The following SPATA7 variants were observed in gnomAD, a reference collection of about 807,000 sequenced individuals.
SPATA7 encodes the protein spermatogenesis associated 7.
SPATA7 carries 43 observed loss-of-function variants against 51.8 expected under a neutral mutation model. The ratio of observed to expected loss-of-function variants is 0.83; its 90% confidence interval spans 0.65 to 1.07. SPATA7 has a LOEUF of 1.07. Among genes scored for constraint, SPATA7 ranks in the 50% least tolerant of loss-of-function variants. The pLI, the probability that SPATA7 is intolerant of heterozygous loss-of-function variation, is 0.00. For missense variants in SPATA7, 683 were observed against 701.3 expected, an observed-to-expected ratio of 0.97 and a Z score of 0.30; for synonymous variants, 230 against 252.8, an observed-to-expected ratio of 0.91 and a Z score of 0.86.
intron 5 of SPATA7, among the ~76,000 whole-genome samples, chr14:88,417,296 T>C (rs1475983123): frequency 8.9e-6 from 1 of 112,288 alleles, no homozygotes; most frequent in African/African-American, 2.8e-5. Flanking sequence ...TCTCTTTTAA[T>C]CTGTGGGGTT....
At chr14:88,461,849 C>T (rs1048967953) in intron 4 of SPATA7, among the ~76,000 whole-genome samples, 1 of 152,172 alleles carries the variant, frequency 6.6e-6, no homozygotes, top group Admixed American at 6.5e-5. Context: ...TATCTTGGAA[C>T]CGCAAACAGT....
chr14:88,404,224 CAT>C (rs1176459849), intron 4 of SPATA7, among the ~76,000 whole-genome samples: 2 of 152,118 alleles, frequency 1.3e-5, no homozygotes, highest in Admixed American at 6.5e-5. Context: ...TATATTGATA[CAT>C]ACTTTTTAAA....
chr14:88,386,177 A>G (rs2075569956), intron 1 of SPATA7: 5 of 560,106 alleles, frequency 8.9e-6, no homozygotes, highest in South Asian at 5.1e-5. Flanking sequence ...CCGGGCCCCA[A>G]ATCAAACCCC....
At chr14:88,449,102 CTGGGTT>C (rs946986333) in intron 3 of SPATA7, among the ~76,000 whole-genome samples, 2 of 151,860 alleles carry the variant, frequency 1.3e-5, no homozygotes, top group African/African-American at 4.8e-5. Flanking sequence ...TTTACTTCTG[CTGGGTT>C]TGGGTTTGGT....
Position 88,469,205 on chromosome 14 carries a change from A to G in SPATA7, c.255-642A>G. 9.9e-7 allele frequency: 1 copy of G among 1,012,926 alleles called. No individual in the cohort carries two copies. Among genetic ancestry groups the G allele is most frequent in the Non-Finnish European group, 1.4e-6 (1 of 703,468 alleles). 62.7% of individuals were successfully genotyped at this position (1,012,926 alleles called of 1,614,324 possible). On this transcript the variant is annotated intron_variant, in intron 4 of 4. Coordinates refer to the SPATA7 transcript ENST00000556406. This position sits in a 1 kb window ranked among gnomAD's most constrained non-coding sequence, Gnocchi z 4.3. ...AAGAGCACTGGGTGCCAGTGAACCA[A>G]ACCCAACCACAAAGGGACAGTGTGA...
At chr14:88,449,444 G>C (rs1039948202) in intron 3 of SPATA7, among the ~76,000 whole-genome samples, 5 of 152,102 alleles carry the variant, frequency 3.3e-5, no homozygotes, top group African/African-American at 1.2e-4. Context: ...GAGAGTACTT[G>C]ATAAGATTTT....
chr14:88,390,814 T>C (rs975740331), intron 1 of SPATA7, among the ~76,000 whole-genome samples: 2 of 152,214 alleles, frequency 1.3e-5, no homozygotes, highest in Non-Finnish European at 2.9e-5. Flanking sequence ...CTTACCCTCC[T>C]TCTTTCTTGG....
chr14:88,417,832 T>C (rs1200931067), intron 5 of SPATA7, among the ~76,000 whole-genome samples: 1 of 152,200 alleles, frequency 6.6e-6, no homozygotes, highest in East Asian at 1.9e-4. Flanking sequence ...GCTATCCTCA[T>C]AAAATAAACT....
At chr14:88,448,644 G>A (rs2077230649) in intron 3 of SPATA7, among the ~76,000 whole-genome samples, 1 of 152,306 alleles carries the variant, frequency 6.6e-6, no homozygotes, top group South Asian at 2.1e-4. Context: ...TGATGATGGT[G>A]ATGTACAGAT....
intron 4 of SPATA7, among the ~76,000 whole-genome samples, chr14:88,462,337 T>A (rs2077323079): frequency 6.6e-6 from 1 of 152,232 alleles, no homozygotes; most frequent in South Asian, 2.1e-4. Context: ...AGTTATTGAA[T>A]CTGTACTAGT....
At chr14:88,424,705 A>G (rs1416198501) in intron 5 of SPATA7, among the ~76,000 whole-genome samples, 1 of 152,212 alleles carries the variant, frequency 6.6e-6, no homozygotes. Flanking sequence ...AGTATCATTT[A>G]GGACTACTTA....
In SPATA7 at chr14:88,426,383, A is replaced by G; in HGVS notation, c.524A>G (p.Asn175Ser). 3 of 1,614,046 alleles carry G rather than the reference A, an allele frequency of 1.9e-6. No individual in the cohort carries two copies. Among genetic ancestry groups the G allele is most frequent in the African/African-American group, 1.3e-5 (1 of 75,018 alleles). Reference protein sequence around the residue: ...SKVITNGPEKNSSSSPSSVDY... With the variant: ...SKVITNGPEKSSSSSPSSVDY... ...GTCATCACAAATGGTCCTGAGAAGA[A>G]CTCCAGTTCCTCCCCGTCCAGTGTG... is the stretch of plus-strand genomic sequence containing the variant. The change falls in exon 6 of 12, where the codon AAC (asparagine) becomes AGC (serine). Residue 175 changes from asparagine (N) to serine (S), a missense_variant. By Grantham distance (46) the Asn-to-Ser change is conservative (BLOSUM62 1). Transcript: ENST00000393545.
intron 4 of SPATA7, among the ~76,000 whole-genome samples, chr14:88,402,579 C>T (rs1049030799): frequency 8.5e-5 from 13 of 152,084 alleles, no homozygotes; most frequent in African/African-American, 3.1e-4. Context: ...TCTGGGAAAC[C>T]TGGATAGTCC....
chr14:88,430,324 T>G (rs2076907572), intron 8 of SPATA7, among the ~76,000 whole-genome samples: 1 of 152,124 alleles, frequency 6.6e-6, no homozygotes, highest in African/African-American at 2.4e-5. Flanking sequence ...TCTTTGAAAT[T>G]TCTGATGTTT....
At position 88,431,222 on chromosome 14, in the gene SPATA7, C is replaced by T; in HGVS notation, c.1079C>T (p.Ser360Phe). 1 of 1,612,988 alleles carries T rather than the reference C, an allele frequency of 6.2e-7. No homozygotes were observed. The highest frequency in any genetic ancestry group is 2.2e-5 in the East Asian group (1 of 44,822). Reference sequence around the variant, plus strand: ...CCCCCTTCAACTCGTAAAATCTACTCTGAGTAAGATCTTTTTTAAGTCTTC... The same window carrying T: ...CCCCCTTCAACTCGTAAAATCTACTTTGAGTAAGATCTTTTTTAAGTCTTC... ...LKPPSTRKIYSDEEELLYLSF... is the reference protein window; with the variant it reads ...LKPPSTRKIYFDEEELLYLSF... Residue 360 changes from serine to phenylalanine, a missense_variant, in exon 9 of 12, where the codon TCT (serine) becomes TTT (phenylalanine). Transcript: ENST00000393545.
chr14:88,396,044 T>C lies in SPATA7; in HGVS notation c.191-112T>C, dbSNP rs1470126577. ...TCAAGGATCTTGTGTTTTCCATCGC[T>C]AGAAGTATGATAAACAGCTGCAAGG... is the stretch of plus-strand genomic sequence containing the variant. On this transcript the variant is annotated intron_variant, in intron 3 of 11. Transcript: ENST00000393545. 8.5e-6 allele frequency: 7 copies of C among 826,416 alleles called. No homozygotes were observed. In the Admixed American group the frequency reaches 1.2e-4, roughly 14 times the overall value. 51.2% of individuals were successfully genotyped at this position (826,416 alleles called of 1,614,324 possible).
rs2077217723 is a variant in SPATA7 at position 88,446,931 on chromosome 14, G to T, written c.178-8129G>T. On this transcript the variant is annotated intron_variant, in intron 3 of 3. Coordinates refer to the SPATA7 transcript ENST00000554802. ...ATGTGGTCAATTTTGGAATAGGTGT[G>T]GTGTGGTGCTGAAAAAAATGTACAT... is the stretch of plus-strand genomic sequence containing the variant. Among the ~76,000 whole-genome samples, 3 of 152,218 alleles carry T rather than the reference G, an allele frequency of 2.0e-5. No individual in the cohort carries two copies. The South Asian group carries it at 6.2e-4, about 32-fold the overall frequency.
At position 88,463,379 on chromosome 14, in the gene SPATA7, C is replaced by G. The variant is rs1452877849; in HGVS notation, c.255-6468C>G. ...CTCAAGTTTCTGCAACAAACGCTGG[C>G]ATACGTTCTGAAAAGTTTCCCATAA... On this transcript the variant is annotated intron_variant, in intron 4 of 4. Transcript: ENST00000556406. Among the ~76,000 whole-genome samples, 4 of 151,920 alleles carry G rather than the reference C, an allele frequency of 2.6e-5. No homozygotes were observed. In the East Asian group the frequency reaches 7.7e-4, roughly 29 times the overall value.
intron 4 of SPATA7, among the ~76,000 whole-genome samples, chr14:88,404,519 C>T (rs1384602828): frequency 2.6e-5 from 4 of 152,102 alleles, no homozygotes; most frequent in Admixed American, 6.6e-5. Context: ...GAGTTCGAGA[C>T]CAGCCTGGCC....
Sources: allele counts gnomAD v4.1 joint callset (sites outside exome capture counted in the v4.1 genomes callset), GRCh38; gene constraint gnomAD v4.1.1; non-coding constraint Gnocchi (gnomAD v3.1); transcripts MANE v1.5; gene names NCBI Gene and HGNC (gene_info 2026-07-23, HGNC 2026-07-21).